SYTL3: variants seen among roughly 807,000 people sequenced by gnomAD.
The protein encoded by SYTL3 is synaptotagmin-like protein 3.
SYTL3 carries 88 observed loss-of-function variants against 82.1 expected under a neutral mutation model. That is an observed-to-expected ratio of 1.07 (90% CI 0.90 to 1.28). SYTL3 has a LOEUF of 1.28. Ranked by LOEUF, SYTL3 falls within the 50% of genes most tolerant of loss-of-function variation. SYTL3 has a pLI of 0.00. For missense variants in SYTL3, 831 were observed against 757.6 expected, an observed-to-expected ratio of 1.10 and a Z score of -1.14; for synonymous variants, 311 against 289.4, an observed-to-expected ratio of 1.07 and a Z score of -0.76.
intron 11 of SYTL3, among the ~76,000 whole-genome samples, chr6:158,745,133 C>T (rs1787449810): frequency 6.6e-6 from 1 of 151,872 alleles, no homozygotes; most frequent in Non-Finnish European, 1.5e-5. Context: ...CATAGCTGTC[C>T]TGCCATGGAT....
intron 6 of SYTL3, among the ~76,000 whole-genome samples, chr6:158,695,107 A>G (rs1193519932): frequency 1.3e-5 from 2 of 152,220 alleles, no homozygotes; most frequent in Non-Finnish European, 2.9e-5. Context: ...GAACAAGGCC[A>G]TGTTCACTCA....
At chr6:158,759,874 T>C (rs1789672856) in intron 14 of SYTL3, among the ~76,000 whole-genome samples, 2 of 152,146 alleles carry the variant, frequency 1.3e-5, no homozygotes, top group Admixed American at 1.3e-4. Context: ...TCATAAACTT[T>C]CTTAAAACAT....
chr6:158,722,613 A>G (rs1341649730), intron 10 of SYTL3, among the ~76,000 whole-genome samples: 1 of 152,048 alleles, frequency 6.6e-6, no homozygotes, highest in East Asian at 1.9e-4. Flanking sequence ...TTTATTGTAT[A>G]TGTTATGAAT....
rs559966811 is a variant in SYTL3 at position 158,751,278 on chromosome 6, C to A, written c.1035-650C>A. ...GCTGCTGCTGGTTGGGGGGTCATTGCCATCACTGGGGCTGCCAGAGGAGCC... is the reference window on the plus strand; with the variant it reads ...GCTGCTGCTGGTTGGGGGGTCATTGACATCACTGGGGCTGCCAGAGGAGCC... On this transcript the variant is annotated intron_variant, in intron 12 of 17. Coordinates refer to ENST00000611299, the MANE Select transcript of SYTL3 (RefSeq NM_001242394.2). Among the ~76,000 whole-genome samples the A allele has an allele frequency of 1.6e-4, 24 of 152,118 alleles. 1 individual carries two copies. In the South Asian group the frequency reaches 5.0e-3, roughly 32 times the overall value.
At chr6:158,684,881 G>T (rs1263273426) in intron 6 of SYTL3, among the ~76,000 whole-genome samples, 1 of 151,336 alleles carries the variant, frequency 6.6e-6, no homozygotes, top group African/African-American at 2.4e-5. Flanking sequence ...AATACTAAGG[G>T]TCATGTCAGG....
intron 6 of SYTL3, among the ~76,000 whole-genome samples, chr6:158,692,257 CAAAAAAAAAAAAAAAAAAAAAAA>C (rs571381475): frequency 3.1e-5 from 1 of 32,196 alleles, no homozygotes; most frequent in East Asian, 2.7e-3. Flanking sequence ...GACTCCGTCT[CAAAAAAAAAAAAAAAAAAAAAAA>C]AAAAAAAAAA....
intron 14 of SYTL3, among the ~76,000 whole-genome samples, chr6:158,758,581 C>T (rs752089832): frequency 2.0e-5 from 3 of 152,188 alleles, no homozygotes; most frequent in African/African-American, 7.2e-5. Flanking sequence ...AGCTGGGATT[C>T]GCATTATCTC....
chr6:158,745,750 T>TAAAAAAA (rs11432443), intron 12 of SYTL3, 92 bp downstream of exon 12: 1 of 753,092 alleles, frequency 1.3e-6, no homozygotes, highest in Non-Finnish European at 1.9e-6. Flanking sequence ...AGACAATTAT[T>TAAAAAAA]AAAAAAAAAA....
At chr6:158,731,024 C>A in intron 11 of SYTL3, among the ~76,000 whole-genome samples, 1 of 152,158 alleles carries the variant, frequency 6.6e-6, no homozygotes, top group East Asian at 1.9e-4. Context: ...GTGGCTCACG[C>A]CTGTAATCCC....
At chr6:158,690,939 T>C (rs1779798088) in intron 6 of SYTL3, among the ~76,000 whole-genome samples, 1 of 152,082 alleles carries the variant, frequency 6.6e-6, no homozygotes, top group Non-Finnish European at 1.5e-5. Context: ...TGCAGAGGGT[T>C]TTTAATGTGG....
At chr6:158,740,964 C>T (rs868111835) in intron 11 of SYTL3, among the ~76,000 whole-genome samples, 1 of 152,202 alleles carries the variant, frequency 6.6e-6, no homozygotes, top group East Asian at 1.9e-4. Flanking sequence ...GTTTTCCCTG[C>T]ACAAAGTTCT....
chr6:158,730,338 G>A (rs1785243693), intron 11 of SYTL3, among the ~76,000 whole-genome samples: 1 of 152,238 alleles, frequency 6.6e-6, no homozygotes. Context: ...TGTCGTCATT[G>A]TTCCATCTGT....
Position 158,692,663 on chromosome 6 carries a change from C to T in SYTL3, c.394+9674C>T, listed in dbSNP as rs555669238. ...TAAAAGAAGCAGGTGCCAGGCCGGG[C>T]GCGGTGGCTCACGCCTGTAATCCCA... On this transcript the variant is annotated intron_variant, in intron 6 of 17. Coordinates refer to ENST00000611299, the MANE Select transcript of SYTL3 (RefSeq NM_001242394.2). 8.8e-4 allele frequency among the ~76,000 whole-genome samples: 133 copies of T among 151,384 alleles called. 1 individual carries two copies. Among genetic ancestry groups the T allele is most frequent in the African/African-American group, 2.8e-3 (115 of 41,272 alleles).
chr6:158,749,373 C>A (rs1477874953), intron 12 of SYTL3, among the ~76,000 whole-genome samples: 6 of 107,098 alleles, frequency 5.6e-5, no homozygotes, highest in African/African-American at 2.2e-4. Flanking sequence ...CCTGGGCAAC[C>A]AAGTGAGACT....
intron 9 of SYTL3, among the ~76,000 whole-genome samples, chr6:158,716,100 C>T (rs756334134): frequency 2.0e-5 from 3 of 152,112 alleles, no homozygotes; most frequent in Non-Finnish European, 2.9e-5. Context: ...GTCAAACCAG[C>T]GGGAGGAAAT....
chr6:158,731,292 A>G (rs1263787804), intron 11 of SYTL3, among the ~76,000 whole-genome samples: 1 of 151,956 alleles, frequency 6.6e-6, no homozygotes, highest in Non-Finnish European at 1.5e-5. Flanking sequence ...TCAAAAAAAA[A>G]CAAAACAAAA....
chr6:158,698,922 A>G (rs976403923), intron 6 of SYTL3, among the ~76,000 whole-genome samples: 9 of 152,164 alleles, frequency 5.9e-5, no homozygotes, highest in African/African-American at 2.2e-4. Context: ...TCCAGGGTAT[A>G]GTTTCTTACA....
At chr6:158,726,060 G>T (rs1291099100) in intron 11 of SYTL3, 1 of 532,538 alleles carries the variant, frequency 1.9e-6, no homozygotes, top group South Asian at 1.6e-5. Flanking sequence ...AATCTTACAG[G>T]ATCAATGTAG....
intron 11 of SYTL3, among the ~76,000 whole-genome samples, chr6:158,730,625 C>T (rs1583405679): frequency 4.6e-5 from 7 of 152,176 alleles, no homozygotes; most frequent in Admixed American, 3.3e-4. Flanking sequence ...CTCTCAGCAA[C>T]GCGGAAAGAA....
Sources: allele counts gnomAD v4.1 joint callset (sites outside exome capture counted in the v4.1 genomes callset), GRCh38; gene constraint gnomAD v4.1.1; transcripts MANE v1.5; gene names NCBI Gene and HGNC (gene_info 2026-07-23, HGNC 2026-07-21).